RANBP17: variants seen among roughly 807,000 people sequenced by gnomAD.
The protein encoded by RANBP17 is ran-binding protein 17.
In RANBP17, 158 loss-of-function variants were observed where a neutral mutation model predicts 141.2. The ratio of observed to expected loss-of-function variants is 1.12; its 90% CI spans 0.98 to 1.28. The LOEUF (loss-of-function observed/expected upper bound fraction) is 1.28, where lower values mean the gene tolerates loss of function less well. Among genes scored for constraint, RANBP17 ranks in the 50% most tolerant of loss-of-function variants. The pLI is 0.00. For missense variants in RANBP17, 1,438 were observed against 1,290.7 expected (o/e 1.11, Z -1.75); for synonymous variants, 430 against 450.0 (o/e 0.96, Z 0.56).
chr5:170,935,249 A>G (rs189162582), intron 12 of RANBP17, among the ~76,000 whole-genome samples: 2 of 152,182 alleles, frequency 1.3e-5, no homozygotes, highest in Admixed American at 6.5e-5. Context: ...GGGTTCGAAC[A>G]TCCTCCTTTA....
At position 171,252,772 on chromosome 5, in the gene RANBP17, A is replaced by G. The variant is rs563217415; in HGVS notation, c.2776+9952A>G. On this transcript the variant is annotated intron_variant, in intron 24 of 27. Transcript: ENST00000523189. ...TATTTGTAGACTTGCTTCATATGAA[A>G]GTGTGGAGGGTGTGTGCAGCCTCAT... 9.2e-6 allele frequency: 12 copies of G among 1,303,602 alleles called. No individual in the cohort carries two copies. The African/African-American group carries it at 1.5e-4, about 16-fold the overall frequency. The allele number at this position is 1,303,602 out of a possible 1,614,324, so 80.8% of individuals were successfully genotyped here.
chr5:170,898,877 A>G (rs969456280), intron 5 of RANBP17, among the ~76,000 whole-genome samples: 10 of 152,206 alleles, frequency 6.6e-5, no homozygotes, highest in Admixed American at 5.9e-4. Context: ...CCATTAGTCT[A>G]TACATCTGTT....
intron 22 of RANBP17, among the ~76,000 whole-genome samples, chr5:171,229,642 A>G (rs970238508): frequency 6.8e-6 from 1 of 147,644 alleles, no homozygotes; most frequent in Non-Finnish European, 1.5e-5. Context: ...TGATCTGCCC[A>G]CCTCGGCCTC....
rs200725729 is a variant in RANBP17 at position 170,881,857 on chromosome 5, C to A, written c.217C>A (p.Arg73=). The change falls in exon 3 of 28, where the codon CGA becomes AGA. Residue 73 remains arginine, a synonymous_variant. Transcript: ENST00000523189. Reference sequence around the variant, plus strand: ...AACATGTCTTTCAAAACTTGTCAGCCGAGTCAGTCCTTTACCTGTTGAGCA... The same window carrying A: ...AACATGTCTTTCAAAACTTGTCAGCAGAGTCAGTCCTTTACCTGTTGAGCA... The part of the protein sequence containing the change: ...AATCLSKLVS[R]VSPLPVEQRM... 59 of 1,609,896 alleles carry A rather than the reference C, an allele frequency of 3.7e-5. No individual in the cohort carries two copies. The highest frequency in any genetic ancestry group is 4.8e-5 in the Non-Finnish European group (57 of 1,177,796).
chr5:171,125,024 G>A (rs1243476014), intron 14 of RANBP17, among the ~76,000 whole-genome samples: 5 of 152,194 alleles, frequency 3.3e-5, no homozygotes, highest in African/African-American at 1.2e-4. Flanking sequence ...GCTGGGGGCG[G>A]TGGCTCACGC....
intron 2 of RANBP17, 34 bp downstream of exon 2, chr5:170,878,277 G>T: frequency 6.5e-7 from 1 of 1,550,184 alleles, no homozygotes; most frequent in Admixed American, 1.8e-5. Flanking sequence ...AACCATGAAA[G>T]ATCAGTAGAT....
At chr5:170,903,114 C>T (rs145100430) in intron 5 of RANBP17, among the ~76,000 whole-genome samples, 1 of 152,212 alleles carries the variant, frequency 6.6e-6, no homozygotes, top group East Asian at 1.9e-4. Context: ...CCCCTTCCCC[C>T]AGGTGCTCTG....
Position 171,114,043 on chromosome 5 carries a change from TTAAAA to T in RANBP17, c.1711-56082_1711-56078del, listed in dbSNP as rs1430610676. ...ATTAACATGCCATACATTTATTATT[TTAAAA>T]TAAATTAATATTTTTTAATTCTCAG... is the stretch of plus-strand genomic sequence containing the variant. On this transcript the variant is annotated intron_variant, in intron 14 of 27. Transcript: ENST00000523189. 2.6e-5 allele frequency among the ~76,000 whole-genome samples: 4 copies of T among 152,170 alleles called. No individual in the cohort carries two copies. In the East Asian group the frequency reaches 5.8e-4, roughly 22 times the overall value.
chr5:171,097,924 A>G, intron 14 of RANBP17, among the ~76,000 whole-genome samples: 1 of 151,922 alleles, frequency 6.6e-6, no homozygotes, highest in Non-Finnish European at 1.5e-5. Flanking sequence ...GCTGAGAATG[A>G]TGGTTTCCAG....
In RANBP17 at chr5:171,277,522, A is replaced by G. The variant is rs377711814; in HGVS notation, c.2943+11675A>G. 1.3e-3 allele frequency among the ~76,000 whole-genome samples: 193 copies of G among 150,424 alleles called. 9 individuals carry two copies. The South Asian group carries it at 0.039, about 31-fold the overall frequency. On this transcript the variant is annotated intron_variant, in intron 25 of 27. Coordinates refer to ENST00000523189, the MANE Select transcript of RANBP17 (RefSeq NM_022897.5). The stretch of plus-strand genomic sequence containing the variant: ...CATAAGATGTCGCTATAGAAGGAAA[A>G]CCTCAGGCTCGAACAGAGAATTTTA...
intron 14 of RANBP17, among the ~76,000 whole-genome samples, chr5:171,138,464 A>G (rs1757464856): frequency 1.3e-5 from 2 of 151,068 alleles, no homozygotes; most frequent in Admixed American, 1.3e-4. Context: ...CCTTAGATAT[A>G]TGGAGATTTT....
chr5:170,925,531 TTATATATA>T (rs1772845272), intron 12 of RANBP17, among the ~76,000 whole-genome samples: 1 of 152,118 alleles, frequency 6.6e-6, no homozygotes, highest in African/African-American at 2.4e-5. Context: ...AAAAGGATAT[TTATATATA>T]TTGAGACATA....
intron 14 of RANBP17, among the ~76,000 whole-genome samples, chr5:171,086,571 C>T (rs1199019711): frequency 2.2e-5 from 3 of 137,178 alleles, no homozygotes; most frequent in South Asian, 2.7e-4. Flanking sequence ...TGGTAGAATT[C>T]GGCTGTGAAT....
chr5:171,046,335 A>T (rs1303298707), intron 14 of RANBP17, among the ~76,000 whole-genome samples: 1 of 150,944 alleles, frequency 6.6e-6, no homozygotes, highest in East Asian at 2.0e-4. Flanking sequence ...CAGCCTCCCG[A>T]GTAGCTGGGA....
In RANBP17 at chr5:171,125,953, AT is replaced by A. The variant is rs1338539593; in HGVS notation, c.1711-44171del. 3.2e-4 allele frequency among the ~76,000 whole-genome samples: 48 copies of A among 152,088 alleles called. No individual in the cohort carries two copies. The East Asian group carries it at 8.5e-3, about 27-fold the overall frequency. ...CAGGCGCGCACCACCACACCTGGCT[AT>A]TTTTTGTATTTTTAGTAGAGATGGA... On this transcript the variant is annotated intron_variant, in intron 14 of 27. Transcript: ENST00000523189.
intron 12 of RANBP17, among the ~76,000 whole-genome samples, chr5:170,928,061 G>A (rs1194386296): frequency 6.6e-6 from 1 of 152,114 alleles, no homozygotes; most frequent in Non-Finnish European, 1.5e-5. Context: ...TCTACTGGGT[G>A]TCTAGTGTTA....
At chr5:171,223,978 A>G (rs924900146) in intron 22 of RANBP17, among the ~76,000 whole-genome samples, 3 of 152,210 alleles carry the variant, frequency 2.0e-5, no homozygotes, top group Non-Finnish European at 2.9e-5. Flanking sequence ...CTACTGACTT[A>G]TCTGCCTAGT....
At chr5:170,981,540 G>T (rs1042073391) in intron 14 of RANBP17, among the ~76,000 whole-genome samples, 6 of 151,944 alleles carry the variant, frequency 3.9e-5, no homozygotes, top group Admixed American at 2.0e-4. Flanking sequence ...TTAAAAGGGG[G>T]AGTTTTCCTG....
At chr5:171,166,546 T>C (rs559583692) in intron 14 of RANBP17, among the ~76,000 whole-genome samples, 1 of 152,256 alleles carries the variant, frequency 6.6e-6, no homozygotes, top group Admixed American at 6.5e-5. Context: ...ATAATACAAG[T>C]TGTAGAAAGT....
Sources: allele counts gnomAD v4.1 joint callset (sites outside exome capture counted in the v4.1 genomes callset), GRCh38; gene constraint gnomAD v4.1.1; transcripts MANE v1.5; gene names NCBI Gene and HGNC (gene_info 2026-07-23, HGNC 2026-07-21).